MRPS25: variants seen among roughly 807,000 people sequenced by gnomAD.
MRPS25 encodes mitochondrial ribosomal protein S25.
MRPS25 carries 15 observed loss-of-function variants against 17.3 expected under a neutral mutation model. The observed-to-expected ratio is 0.87, with a 90% CI of 0.58 to 1.34. The LOEUF is 1.34. Ranked by LOEUF, MRPS25 falls within the 40% of genes most tolerant of loss-of-function variation. The probability of loss-of-function intolerance (pLI) is 0.00; values close to 1 mark genes in which losing one functional copy is unlikely to be tolerated. For synonymous variants in MRPS25, 94 were observed against 83.3 expected (o/e 1.13, Z -0.70); for missense variants, 225 against 218.6 (o/e 1.03, Z -0.19).
chr3:15,057,969 CT>C (rs534149734), intron 2 of MRPS25, among the ~76,000 whole-genome samples: 24 of 152,268 alleles, frequency 1.6e-4, no homozygotes, highest in African/African-American at 5.5e-4. Flanking sequence ...ACTGCAACCT[CT>C]GCCTCCCAGG....
chr3:15,051,167 C>T lies in MRPS25; in HGVS notation c.*1274G>A, dbSNP rs1002271023. On this transcript the variant is annotated 3_prime_UTR_variant, in exon 4 of 4. Coordinates refer to ENST00000253686, the MANE Select transcript of MRPS25 (RefSeq NM_022497.5). ...GGTCCGTGGTCCAACTGGTCCTTCA[C>T]TTTATAATTAAACTTATTTAAAAAA... 4 of 985,230 alleles carry T rather than the reference C, an allele frequency of 4.1e-6. No individual in the cohort carries two copies. Among genetic ancestry groups the T allele is most frequent in the East Asian group, 1.1e-4 (1 of 8,802 alleles). The allele number at this position is 985,230 out of a possible 1,614,324, so 61.0% of individuals were successfully genotyped here.
chr3:15,051,240 G>A lies in MRPS25; in HGVS notation c.*1201C>T. 2.1e-6 allele frequency: 2 copies of A among 932,816 alleles called. No individual in the cohort carries two copies. The highest frequency in any genetic ancestry group is 2.6e-6 in the Non-Finnish European group (2 of 781,966). The allele number at this position is 932,816 out of a possible 1,614,324, so 57.8% of individuals were successfully genotyped here. The stretch of plus-strand genomic sequence containing the variant: ...GCTCTGTGGCCCAGGCTGGAGTGCA[G>A]TAGCGCACGATCATGATTCACTGCA... On this transcript the variant is annotated 3_prime_UTR_variant, in exon 4 of 4. Coordinates refer to ENST00000253686, the MANE Select transcript of MRPS25 (RefSeq NM_022497.5).
rs1293759904 is a variant in MRPS25 at position 15,061,375 on chromosome 3, C to T, written c.135-1900G>A. Among the ~76,000 whole-genome samples the T allele has an allele frequency of 4.6e-5, 7 of 152,228 alleles. No individual in the cohort carries two copies. In the East Asian group the frequency reaches 1.3e-3, roughly 29 times the overall value. On this transcript the variant is annotated intron_variant, in intron 1 of 3. Coordinates refer to ENST00000253686, the MANE Select transcript of MRPS25 (RefSeq NM_022497.5). ...CGATTGCAGGCGCGCGCTGCCACGC[C>T]TGACTGGTTTTCGTATTTTTTTGGT... is the stretch of plus-strand genomic sequence containing the variant.
rs145237834 is a variant in MRPS25, at chr3:15,051,751, A to G, written c.*690T>C. ...TCTCCTCATTTCCTCCATGGCCTAC[A>G]AACCTCCCTGCTAATGCACACAGTG... On this transcript the variant is annotated 3_prime_UTR_variant, in exon 4 of 4. Transcript: ENST00000253686. 2.6e-4 allele frequency: 252 copies of G among 985,426 alleles called. 1 individual carries two copies. In the African/African-American group the frequency reaches 3.3e-3, roughly 13 times the overall value. 61.0% of individuals were successfully genotyped at this position (985,426 alleles called of 1,614,324 possible).
At chr3:15,042,669 A>G (rs1559314503), downstream of MRPS25, 1 of 608,816 alleles carries the variant, frequency 1.6e-6, no homozygotes, top group Admixed American at 3.1e-5. Context: ...TCTCATGATA[A>G]ATTTCTATAA....
chr3:15,049,851 C>T lies in MRPS25; in HGVS notation c.*2590G>A, dbSNP rs953750371. The T allele has an allele frequency of 9.6e-6, 13 of 1,353,546 alleles. No homozygotes were observed. Among genetic ancestry groups the T allele is most frequent in the Middle Eastern group, 1.8e-4 (1 of 5,644 alleles). The allele number at this position is 1,353,546 out of a possible 1,614,324, so 83.8% of individuals were successfully genotyped here. A position where few individuals can be genotyped will look rare whatever the true frequency, so the allele number is the denominator to read the frequency against. ...CTCACTCCAGCCTCAACCTCCTGGG[C>T]TCAAGTGATCCTCCTGCCTCAGCCT... On this transcript the variant is annotated 3_prime_UTR_variant, in exon 4 of 4. Transcript: ENST00000253686.
Position 15,050,231 on chromosome 3 carries a change from C to T in MRPS25, c.*2210G>A, listed in dbSNP as rs997793318. 5.2e-6 allele frequency: 6 copies of T among 1,157,048 alleles called. No individual in the cohort carries two copies. Among genetic ancestry groups the T allele is most frequent in the African/African-American group, 3.4e-5 (2 of 59,594 alleles). The allele number at this position is 1,157,048 out of a possible 1,614,324, so 71.7% of individuals were successfully genotyped here. ...AAGCTGGCCACACAGGCAGTAACTGCACCACAGGACTGCTGCTGTCTCCAC... is the reference window on the plus strand; with the variant it reads ...AAGCTGGCCACACAGGCAGTAACTGTACCACAGGACTGCTGCTGTCTCCAC... On this transcript the variant is annotated 3_prime_UTR_variant, in exon 4 of 4. Transcript: ENST00000253686.
chr3:15,053,350 G>T, intron 3 of MRPS25, 30 bp downstream of exon 3: 1 of 1,614,068 alleles, frequency 6.2e-7, no homozygotes, highest in Non-Finnish European at 8.5e-7. Context: ...TGAGAAGTTT[G>T]TTCCTTCCAG....
chr3:15,061,450 G>A (rs1057379250), intron 1 of MRPS25, among the ~76,000 whole-genome samples: 50 of 152,212 alleles, frequency 3.3e-4, no homozygotes, highest in Non-Finnish European at 5.4e-4. Flanking sequence ...GCTCCTAACC[G>A]CGAGTGATCC....
At chr3:15,052,757 G>T in intron 3 of MRPS25, 124 bp from the exon 4 acceptor site, 1 of 992,998 alleles carries the variant, frequency 1.0e-6, no homozygotes, top group Non-Finnish European at 1.5e-6. Flanking sequence ...CTTCTAACCT[G>T]ATCCTCACTG....
At position 15,049,674 on chromosome 3, in the gene MRPS25, C is replaced by T. The variant is rs114486607; in HGVS notation, c.*2767G>A. On this transcript the variant is annotated 3_prime_UTR_variant, in exon 4 of 4. Transcript: ENST00000253686. ...GGGCAAAAACAAGCTCCAAAAGTTT[C>T]AGAAGTTAGAACATATTCATTATGT... The T allele has an allele frequency of 8.3e-4, 445 of 539,020 alleles. 3 individuals carry two copies. The highest frequency in any genetic ancestry group is 7.7e-3 in the African/African-American group (386 of 50,226). The allele number at this position is 539,020 out of a possible 1,614,324, so 33.4% of individuals were successfully genotyped here.
At chr3:15,045,074 CAAA>C (rs1428388191), downstream of MRPS25, 1 of 152,120 alleles carries the variant, frequency 6.6e-6, no homozygotes, top group Non-Finnish European at 1.5e-5. Context: ...AAAATTAAGA[CAAA>C]AAACCAGCTG....
Position 15,052,576 on chromosome 3 carries a change from G to T in MRPS25, c.387C>A (p.Phe129Leu). ...EKKQLSHPAN[F>L]GPRKYCLREC... Reference sequence around the variant, plus strand: ...CCCGCAGGCAGTACTTTCGAGGGCCGAAGTTGGCTGGGTGAGAAAGCTGCT... The same window carrying T: ...CCCGCAGGCAGTACTTTCGAGGGCCTAAGTTGGCTGGGTGAGAAAGCTGCT... Residue 129 changes from phenylalanine to leucine, a missense_variant, in exon 4 of 4, where the codon TTC (phenylalanine) becomes TTA (leucine). Physicochemically the swap from Phe to Leu is conservative, Grantham distance 22. Coordinates refer to ENST00000253686, the MANE Select transcript of MRPS25 (RefSeq NM_022497.5). The T allele has an allele frequency of 3.1e-6, 5 of 1,614,176 alleles. No homozygotes were observed. Among genetic ancestry groups the T allele is most frequent in the Admixed American group, 1.7e-5 (1 of 60,022 alleles).
downstream of MRPS25, chr3:15,042,397 T>C (rs1488545680): frequency 6.5e-6 from 1 of 154,810 alleles, no homozygotes; most frequent in African/African-American, 2.4e-5. Context: ...TATACACATC[T>C]ATACTTGCTG....
At chr3:15,053,667 T>A in intron 2 of MRPS25, 200 bp from the exon 3 acceptor site, 1 of 634,506 alleles carries the variant, frequency 1.6e-6, no homozygotes, top group Non-Finnish European at 2.8e-6. Flanking sequence ...TTTAGATATG[T>A]AAAAAAACAT....
At chr3:15,045,465 C>T (rs1285701536), downstream of MRPS25, 1 of 152,722 alleles carries the variant, frequency 6.5e-6, no homozygotes, top group East Asian at 1.9e-4. Flanking sequence ...CTCTTTAAGT[C>T]CCCTTGCTGG....
chr3:15,061,986 CCCCG>C (rs1170819345), intron 1 of MRPS25, among the ~76,000 whole-genome samples: 3 of 150,746 alleles, frequency 2.0e-5, no homozygotes, highest in African/African-American at 4.9e-5. Flanking sequence ...CCGGCAGCCG[CCCCG>C]TCTGGGAAGT....
chr3:15,055,420 A>G (rs1199751377), intron 2 of MRPS25, among the ~76,000 whole-genome samples: 1 of 152,230 alleles, frequency 6.6e-6, no homozygotes, highest in African/African-American at 2.4e-5. Context: ...AACCACAACA[A>G]GATATGCAAA....
At chr3:15,054,713 G>A (rs1424143805) in intron 2 of MRPS25, among the ~76,000 whole-genome samples, 1 of 151,920 alleles carries the variant, frequency 6.6e-6, no homozygotes, top group Non-Finnish European at 1.5e-5. Flanking sequence ...TCTATAAATT[G>A]AAAAATCAAA....
Sources: gnomAD v4.1 joint callset for allele counts (sites outside exome capture counted in the v4.1 genomes callset) on GRCh38, gnomAD v4.1.1 for gene constraint, MANE v1.5 for transcripts, NCBI Gene and HGNC (gene_info 2026-07-23, HGNC 2026-07-21) for gene names.